The following TSPAN9 variants were observed in gnomAD, a reference collection of about 807,000 sequenced individuals.
TSPAN9 encodes the protein tetraspanin 9.
TSPAN9 carries 16 observed loss-of-function variants against 31.0 expected under a neutral mutation model. That is an observed-to-expected ratio of 0.52 (90% CI 0.35 to 0.78). The LOEUF is 0.78. TSPAN9 is among the 30% of genes least tolerant of loss of function. The pLI is 0.01. For missense variants in TSPAN9, 272 were observed against 312.5 expected, an observed-to-expected ratio of 0.87 and a Z score of 0.98; for synonymous variants, 145 against 121.6, an observed-to-expected ratio of 1.19 and a Z score of -1.27.
chr12:3,215,530 A>G (rs984726165), intron 3 of TSPAN9, among the ~76,000 whole-genome samples: 3 of 152,136 alleles, frequency 2.0e-5, no homozygotes, highest in Admixed American at 6.5e-5. Context: ...TGTTCTCTGT[A>G]TCTATTTCCA....
intron 3 of TSPAN9, among the ~76,000 whole-genome samples, chr12:3,217,038 G>C (rs2098381755): frequency 6.6e-6 from 1 of 152,248 alleles, no homozygotes; most frequent in South Asian, 2.1e-4. Context: ...CTGGCTGAGA[G>C]ACTGCTCAGA....
At chr12:3,208,093 C>A (rs1388488882) in intron 3 of TSPAN9, among the ~76,000 whole-genome samples, 1 of 152,200 alleles carries the variant, frequency 6.6e-6, no homozygotes, top group Non-Finnish European at 1.5e-5. Context: ...GCGCCTTGGA[C>A]TTCGTGCGCA....
At chr12:3,122,875 T>C (rs1477872318) in intron 2 of TSPAN9, among the ~76,000 whole-genome samples, 1 of 152,210 alleles carries the variant, frequency 6.6e-6, no homozygotes, top group Non-Finnish European at 1.5e-5. Flanking sequence ...CCCGCCTCCT[T>C]GCCCCTAGGA....
intron 3 of TSPAN9, among the ~76,000 whole-genome samples, chr12:3,272,560 G>A (rs1234100183): frequency 6.6e-6 from 1 of 151,920 alleles, no homozygotes; most frequent in Non-Finnish European, 1.5e-5. Flanking sequence ...CCGGCCGTGT[G>A]TGTGTGTTTA....
At chr12:3,276,828 AC>A (rs1229768435) in intron 3 of TSPAN9, among the ~76,000 whole-genome samples, 1 of 152,144 alleles carries the variant, frequency 6.6e-6, no homozygotes, top group African/African-American at 2.4e-5. Context: ...GCAGGTGTTC[AC>A]TTGGGTTTGT....
intron 2 of TSPAN9, among the ~76,000 whole-genome samples, chr12:3,189,346 G>A (rs563941623): frequency 1.1e-4 from 17 of 152,340 alleles, no homozygotes; most frequent in African/African-American, 3.8e-4. Flanking sequence ...AGAGTACCAT[G>A]TAGAAGGGCC....
chr12:3,091,576 G>A (rs1227521458), intron 2 of TSPAN9, among the ~76,000 whole-genome samples: 2 of 152,142 alleles, frequency 1.3e-5, no homozygotes, highest in African/African-American at 4.8e-5. Flanking sequence ...CTGGAGATCC[G>A]AGGCTGGACC....
intron 3 of TSPAN9, among the ~76,000 whole-genome samples, chr12:3,204,764 T>C (rs953082876): frequency 4.6e-5 from 7 of 152,166 alleles, no homozygotes; most frequent in Middle Eastern, 3.2e-3. Context: ...GAGATTTGAA[T>C]TGGGACAAAA....
intron 3 of TSPAN9, among the ~76,000 whole-genome samples, chr12:3,238,522 C>T (rs1336902932): frequency 6.6e-6 from 1 of 152,214 alleles, no homozygotes; most frequent in Non-Finnish European, 1.5e-5. Context: ...ATACCAAACC[C>T]TACATGGTCC....
chr12:3,119,779 T>A (rs557508898), intron 2 of TSPAN9, among the ~76,000 whole-genome samples: 4 of 152,256 alleles, frequency 2.6e-5, no homozygotes, highest in African/African-American at 7.2e-5. Context: ...GACTTTGGGC[T>A]TTTGCTCCTG....
intron 3 of TSPAN9, among the ~76,000 whole-genome samples, chr12:3,212,169 G>A (rs1449236886): frequency 1.3e-5 from 2 of 151,820 alleles, no homozygotes; most frequent in Non-Finnish European, 2.9e-5. Context: ...ATGGGGCTTC[G>A]CTATGTTGCC....
At chr12:3,184,692 G>GT (rs149243281) in intron 2 of TSPAN9, among the ~76,000 whole-genome samples, 5,225 of 152,300 alleles carry the variant, frequency 0.034, 128 homozygotes, top group East Asian at 0.1. Context: ...CCCCGGGCAT[G>GT]TGTGACCCGT....
intron 1 of TSPAN9, among the ~76,000 whole-genome samples, chr12:3,083,260 T>A (rs2098298796): frequency 6.6e-6 from 1 of 152,240 alleles, no homozygotes; most frequent in Non-Finnish European, 1.5e-5. Context: ...TTACACACTT[T>A]TACATATCTT....
At position 3,143,598 on chromosome 12, in the gene TSPAN9, A is replaced by G. The variant is rs529252279; in HGVS notation, c.-17-57579A>G. On this transcript the variant is annotated intron_variant, in intron 2 of 8. Coordinates refer to ENST00000011898, the MANE Select transcript of TSPAN9 (RefSeq NM_006675.5). This position sits in a 1 kb window ranked among gnomAD's most constrained non-coding sequence, Gnocchi z 4.2. ...CTTCACAGATAAAAAGTATAAATGTATGGATATAGGATATATAATAAATAT... is the reference window on the plus strand; with the variant it reads ...CTTCACAGATAAAAAGTATAAATGTGTGGATATAGGATATATAATAAATAT... Among the ~76,000 whole-genome samples, 2 of 152,326 alleles carry G rather than the reference A, an allele frequency of 1.3e-5. No individual in the cohort carries two copies. The highest frequency in any genetic ancestry group is 2.4e-5 in the African/African-American group (1 of 41,582).
chr12:3,182,943 G>A (rs1185569729), intron 2 of TSPAN9, among the ~76,000 whole-genome samples: 3 of 152,240 alleles, frequency 2.0e-5, no homozygotes, highest in African/African-American at 7.2e-5. Flanking sequence ...CCGCATGGTC[G>A]GAGACAGATG....
chr12:3,162,281 A>T (rs2098345770), intron 2 of TSPAN9, among the ~76,000 whole-genome samples: 2 of 152,226 alleles, frequency 1.3e-5, no homozygotes. Flanking sequence ...CAGAATCGTG[A>T]GCCAAATAAA....
rs377222335 is a variant in TSPAN9, at chr12:3,122,863, A to G, written c.-18+39144A>G. ...TTTACTGGCAGGTTGAAAGCAGGTGACCCCGCCTCCTTGCCCCTAGGAGGG... is the reference window on the plus strand; with the variant it reads ...TTTACTGGCAGGTTGAAAGCAGGTGGCCCCGCCTCCTTGCCCCTAGGAGGG... On this transcript the variant is annotated intron_variant, in intron 2 of 8. Coordinates refer to ENST00000011898, the MANE Select transcript of TSPAN9 (RefSeq NM_006675.5). 4.6e-5 allele frequency among the ~76,000 whole-genome samples: 7 copies of G among 152,226 alleles called. No homozygotes were observed. The South Asian group carries it at 8.3e-4, about 18-fold the overall frequency.
intron 2 of TSPAN9, among the ~76,000 whole-genome samples, chr12:3,198,888 T>TCAGCACAGGTCACCAC (rs2098369476): frequency 8.7e-6 from 1 of 114,938 alleles, no homozygotes; most frequent in Non-Finnish European, 1.8e-5. Flanking sequence ...CAGGTCACCA[T>TCAGCACAGGTCACCAC]CAGCACAGGT....
rs1440054000 is a variant in TSPAN9 at position 3,284,158 on chromosome 12, C to G, written c.*1042C>G. The G allele has an allele frequency of 6.5e-6, 1 of 152,698 alleles. No individual in the cohort carries two copies. Among genetic ancestry groups the G allele is most frequent in the Non-Finnish European group, 1.5e-5 (1 of 68,062 alleles). The allele number at this position is 152,698 out of a possible 1,614,324, so 9.5% of individuals were successfully genotyped here. Reference sequence around the variant, plus strand: ...CCCCTTCCACCCCATGTGGGTATTCCCACAACAGGTTCTGCACACCCCAGT... The same window carrying G: ...CCCCTTCCACCCCATGTGGGTATTCGCACAACAGGTTCTGCACACCCCAGT... On this transcript the variant is annotated 3_prime_UTR_variant, in exon 9 of 9. Coordinates refer to ENST00000011898, the MANE Select transcript of TSPAN9 (RefSeq NM_006675.5).
Sources: allele counts gnomAD v4.1 joint callset (sites outside exome capture counted in the v4.1 genomes callset), GRCh38; gene constraint gnomAD v4.1.1; non-coding constraint Gnocchi (gnomAD v3.1); transcripts MANE v1.5; gene names NCBI Gene and HGNC (gene_info 2026-07-23, HGNC 2026-07-21).